The following PPP1R14C variants were observed in gnomAD, a reference collection of about 807,000 sequenced individuals.
PPP1R14C encodes the protein protein phosphatase 1 regulatory subunit 14C.
PPP1R14C carries 16 observed loss-of-function variants against 20.4 expected under a neutral mutation model. That is an observed-to-expected ratio of 0.78 (90% CI 0.53 to 1.19). The LOEUF is 1.19. PPP1R14C is among the 50% of genes most tolerant of loss of function. The pLI, the probability that PPP1R14C is intolerant of heterozygous loss-of-function variation, is 0.00. For missense variants in PPP1R14C, 211 were observed against 220.1 expected, an observed-to-expected ratio of 0.96 and a Z score of 0.26; for synonymous variants, 91 against 91.0, an observed-to-expected ratio of 1.00 and a Z score of 0.00.
chr6:150,200,113 C>T (rs930674545), intron 1 of PPP1R14C, among the ~76,000 whole-genome samples: 1 of 151,960 alleles, frequency 6.6e-6, no homozygotes, highest in African/African-American at 2.4e-5. Context: ...GAACACCTTA[C>T]ATTTTTGGTA....
rs9478556 is a variant in PPP1R14C, at chr6:150,185,949, T to G, written c.307-28795T>G. On this transcript the variant is annotated intron_variant, in intron 1 of 3. Coordinates refer to ENST00000361131, the MANE Select transcript of PPP1R14C (RefSeq NM_030949.3). The surrounding 1 kb of genome is among the most constrained non-coding windows in gnomAD (Gnocchi z 4.1). ...TCTACCAGGAAGTGCACACATCACT[T>G]CACATCAGAGTTCACTGGGCAAAGC... is the stretch of plus-strand genomic sequence containing the variant. Among the ~76,000 whole-genome samples the G allele has an allele frequency of 8.7e-3, 1,317 of 152,248 alleles. 16 individuals are homozygous for G. Among genetic ancestry groups the G allele is most frequent in the African/African-American group, 0.029 (1,220 of 41,548 alleles).
intron 3 of PPP1R14C, among the ~76,000 whole-genome samples, chr6:150,232,327 C>T (rs1273820287): frequency 2.0e-5 from 3 of 152,188 alleles, no homozygotes; most frequent in African/African-American, 7.2e-5. Flanking sequence ...GATGACAATC[C>T]TTTGACCTTG....
At chr6:150,242,384 G>A (rs1030765017) in intron 3 of PPP1R14C, among the ~76,000 whole-genome samples, 1 of 53,060 alleles carries the variant, frequency 1.9e-5, no homozygotes, top group African/African-American at 1.8e-4. Context: ...GATCAAGTGT[G>A]GTTTATCCCA....
intron 2 of PPP1R14C, among the ~76,000 whole-genome samples, chr6:150,215,250 A>G (rs59716336): frequency 1.3e-5 from 2 of 152,150 alleles, no homozygotes; most frequent in South Asian, 4.1e-4. Flanking sequence ...TAATTTCTAA[A>G]TATTGCTTAT....
chr6:150,208,774 CACA>C (rs1777984681), intron 1 of PPP1R14C, among the ~76,000 whole-genome samples: 1 of 152,084 alleles, frequency 6.6e-6, no homozygotes, highest in Non-Finnish European at 1.5e-5. Context: ...TCTCATTAGC[CACA>C]ACAATTAACA....
intron 1 of PPP1R14C, among the ~76,000 whole-genome samples, chr6:150,207,757 G>T (rs1286875836): frequency 3.9e-5 from 6 of 152,182 alleles, no homozygotes; most frequent in African/African-American, 1.4e-4. Context: ...TACAGACTGG[G>T]TAATGTATAC....
At chr6:150,171,971 CT>C (rs969520714) in intron 1 of PPP1R14C, among the ~76,000 whole-genome samples, 12 of 150,928 alleles carry the variant, frequency 8.0e-5, no homozygotes, top group African/African-American at 2.4e-4. Flanking sequence ...ATGCCCTGCT[CT>C]TTTTTTTTGT....
chr6:150,239,653 TG>T lies in PPP1R14C; in HGVS notation c.424-9092del, dbSNP rs1420791651. On this transcript the variant is annotated intron_variant, in intron 3 of 3. Coordinates refer to ENST00000361131, the MANE Select transcript of PPP1R14C (RefSeq NM_030949.3). The stretch of plus-strand genomic sequence containing the variant: ...CAGGAAAGGTCTCAAAGCAATGGCC[TG>T]AGCTTCCACCTTAGGAACCAGGAAA... 7.9e-4 allele frequency among the ~76,000 whole-genome samples: 120 copies of T among 152,282 alleles called. 2 individuals are homozygous for T. Among genetic ancestry groups the T allele is most frequent in the Non-Finnish European group, 1.0e-4 (7 of 68,018 alleles).
chr6:150,213,009 C>A (rs1406447232), intron 1 of PPP1R14C, among the ~76,000 whole-genome samples: 1 of 152,206 alleles, frequency 6.6e-6, no homozygotes, highest in Non-Finnish European at 1.5e-5. Flanking sequence ...GTTTCTACAT[C>A]ATCTGCTTCT....
chr6:150,143,539 G>T lies in PPP1R14C; in HGVS notation c.306+41G>T, dbSNP rs1254907472. 6.7e-6 allele frequency: 9 copies of T among 1,337,418 alleles called. No homozygotes were observed. Among genetic ancestry groups the T allele is most frequent in the Middle Eastern group, 2.0e-4 (1 of 5,066 alleles). 82.8% of individuals were successfully genotyped at this position (1,337,418 alleles called of 1,614,324 possible). On this transcript the variant is annotated intron_variant, in intron 1 of 3. Transcript: ENST00000361131. The surrounding 1 kb of genome is among the most constrained non-coding windows in gnomAD (Gnocchi z 5.6). Reference sequence around the variant, plus strand: ...GCTGGGAGGGTCGGGGACCTCTCTAGCTCCTCTGTGCCCGCGCAGTAATTT... The same window carrying T: ...GCTGGGAGGGTCGGGGACCTCTCTATCTCCTCTGTGCCCGCGCAGTAATTT...
chr6:150,249,110 C>T lies in PPP1R14C; in HGVS notation c.*290C>T, dbSNP rs539904515. ...GAGGTGGACACTCAAGGAAGGGCCA[C>T]GCCAGGCTGCGTTTCCTGCAAGGAC... On this transcript the variant is annotated 3_prime_UTR_variant, in exon 4 of 4. Coordinates refer to ENST00000361131, the MANE Select transcript of PPP1R14C (RefSeq NM_030949.3). 12 of 411,372 alleles carry T rather than the reference C, an allele frequency of 2.9e-5. No homozygotes were observed. Among genetic ancestry groups the T allele is most frequent in the South Asian group, 1.2e-4 (1 of 8,630 alleles). The allele number at this position is 411,372 out of a possible 1,614,324, so 25.5% of individuals were successfully genotyped here. A position where few individuals can be genotyped will look rare whatever the true frequency, so the allele number is the denominator to read the frequency against.
At chr6:150,206,204 T>G (rs60627955) in intron 1 of PPP1R14C, among the ~76,000 whole-genome samples, 12,167 of 152,234 alleles carry the variant, frequency 0.08, 552 homozygotes, top group Middle Eastern at 0.11. Context: ...CTGCCTGACT[T>G]AAAATTCCAG....
intron 1 of PPP1R14C, among the ~76,000 whole-genome samples, chr6:150,189,009 C>A (rs1270900605): frequency 6.6e-6 from 1 of 151,998 alleles, no homozygotes; most frequent in Non-Finnish European, 1.5e-5. Flanking sequence ...CAGGTGTGCG[C>A]CACCATGCCC....
intron 1 of PPP1R14C, among the ~76,000 whole-genome samples, chr6:150,197,315 T>A (rs375774139): frequency 7.2e-5 from 11 of 152,354 alleles, no homozygotes; most frequent in African/African-American, 2.4e-4. Flanking sequence ...ACAGCTGGAC[T>A]TTCTAGCCAC....
At chr6:150,186,344 G>T (rs987712225) in intron 1 of PPP1R14C, among the ~76,000 whole-genome samples, 2 of 152,210 alleles carry the variant, frequency 1.3e-5, no homozygotes, top group South Asian at 4.2e-4. Context: ...AATGCCCTGC[G>T]TAATTTAGAG....
chr6:150,199,683 A>T (rs1244482917), intron 1 of PPP1R14C, among the ~76,000 whole-genome samples: 2 of 152,058 alleles, frequency 1.3e-5, no homozygotes, highest in Admixed American at 6.6e-5. Context: ...CAATCTGGGC[A>T]ATATAGTGAG....
chr6:150,153,400 T>C (rs73782218), intron 1 of PPP1R14C, among the ~76,000 whole-genome samples: 17,955 of 152,242 alleles, frequency 0.12, 1,470 homozygotes, highest in African/African-American at 0.22. Flanking sequence ...CACAGATGTA[T>C]GGGGTAATGA....
In PPP1R14C at chr6:150,239,790, C is replaced by T. The variant is rs193098793; in HGVS notation, c.424-8956C>T. On this transcript the variant is annotated intron_variant, in intron 3 of 3. Coordinates refer to ENST00000361131, the MANE Select transcript of PPP1R14C (RefSeq NM_030949.3). ...ACATGCTGGGCACAGTGTAATTACA[C>T]GCCTGTAATCCCAGCACTTTGGGAG... Among the ~76,000 whole-genome samples, 447 of 152,290 alleles carry T rather than the reference C, an allele frequency of 2.9e-3. 1 individual carries two copies. The highest frequency in any genetic ancestry group is 0.01 in the African/African-American group (425 of 41,554).
intron 1 of PPP1R14C, among the ~76,000 whole-genome samples, chr6:150,156,024 C>CAAAAAAAAAAAAAAAAAA (rs67908012): frequency 5.2e-5 from 2 of 38,420 alleles, no homozygotes; most frequent in East Asian, 8.6e-4. Flanking sequence ...GACTCTGTCT[C>CAAAAAAAAAAAAAAAAAA]AAAAAAAAAA....
Sources: gnomAD v4.1 joint callset for allele counts (sites outside exome capture counted in the v4.1 genomes callset) on GRCh38, gnomAD v4.1.1 for gene constraint, Gnocchi (gnomAD v3.1) non-coding constraint, MANE v1.5 for transcripts, NCBI Gene and HGNC (gene_info 2026-07-23, HGNC 2026-07-21) for gene names.